BRWD3: variants seen among roughly 807,000 people sequenced by gnomAD.
BRWD3 encodes the protein bromodomain and WD repeat domain containing 3.
BRWD3 carries 10 observed loss-of-function variants against 149.7 expected under a neutral mutation model. That is an observed-to-expected ratio of 0.07 (90% CI 0.04 to 0.11). The LOEUF (loss-of-function observed/expected upper bound fraction) is 0.11, where lower values mean the gene tolerates loss of function less well. Ranked by LOEUF, BRWD3 falls within the 10% of genes least tolerant of loss-of-function variation. The probability of loss-of-function intolerance (pLI) is 1.00; values close to 1 mark genes in which losing one functional copy is unlikely to be tolerated. For missense variants in BRWD3, 940 were observed against 1,373.2 expected, an observed-to-expected ratio of 0.68 and a Z score of 4.99; for synonymous variants, 504 against 456.7, an observed-to-expected ratio of 1.10 and a Z score of -1.32.
chrX:80,740,824 C>G (rs1187522796), intron 8 of BRWD3, among the ~76,000 whole-genome samples: 1 of 112,037 alleles, frequency 8.9e-6, no homozygotes, highest in Non-Finnish European at 1.9e-5. Context: ...TAAACACAGA[C>G]ACACACATAC....
chrX:80,717,496 C>T (rs1047169083), intron 19 of BRWD3, 77 bp downstream of exon 19: 17 of 988,223 alleles, frequency 1.7e-5, no homozygotes, highest in Non-Finnish European at 2.3e-5. Context: ...ATTTACTAGG[C>T]TAACATAGTA....
intron 6 of BRWD3, among the ~76,000 whole-genome samples, chrX:80,748,617 T>G (rs1274691714): frequency 2.7e-5 from 3 of 111,723 alleles, no homozygotes; most frequent in African/African-American, 9.7e-5. Flanking sequence ...TCTGAGTCTT[T>G]TCTTTTGTTT....
chrX:80,712,604 C>A (rs1470344032), intron 20 of BRWD3, among the ~76,000 whole-genome samples: 10 of 110,149 alleles, frequency 9.1e-5, no homozygotes, highest in African/African-American at 3.4e-4. Context: ...CTCTGCCTGG[C>A]TGCCCATCGT....
intron 27 of BRWD3, among the ~76,000 whole-genome samples, chrX:80,694,902 G>A (rs763867350): frequency 5.4e-5 from 6 of 111,025 alleles, no homozygotes; most frequent in African/African-American, 2.0e-4. Flanking sequence ...GACTTTGGGG[G>A]ACTGTTGATT....
In BRWD3 at chrX:80,787,806, C is replaced by T. The variant is rs185401900; in HGVS notation, c.430+4048G>A. Among the ~76,000 whole-genome samples, 391 of 111,347 alleles carry T rather than the reference C, an allele frequency of 3.5e-3. 1 individual carries two copies. The highest frequency in any genetic ancestry group is 5.0e-3 in the Non-Finnish European group (264 of 53,088). On this transcript the variant is annotated intron_variant, in intron 6 of 40. Transcript: ENST00000373275. ...TGTTCTTTGAAAGACACTGGTAGGC[C>T]GGGCGTGGTGGCTCACGCCTGTAAT...
At chrX:80,718,126 C>A (rs2073098441) in intron 18 of BRWD3, among the ~76,000 whole-genome samples, 1 of 111,384 alleles carries the variant, frequency 9.0e-6, no homozygotes, top group South Asian at 3.7e-4. Flanking sequence ...TATCTTTGTT[C>A]TCTCCATTAC....
At chrX:80,784,029 G>A (rs1569286428) in intron 6 of BRWD3, among the ~76,000 whole-genome samples, 2 of 111,414 alleles carry the variant, frequency 1.8e-5, no homozygotes, top group African/African-American at 3.3e-5. Context: ...AGGGTGATTA[G>A]AGTCAAGAAT....
chrX:80,779,370 A>T (rs1266403066), intron 6 of BRWD3, among the ~76,000 whole-genome samples: 1 of 110,912 alleles, frequency 9.0e-6, no homozygotes, highest in Non-Finnish European at 1.9e-5. Flanking sequence ...GTTAAAGTGT[A>T]GTAAGCATAT....
chrX:80,802,921 C>T (rs1194066971), intron 4 of BRWD3, among the ~76,000 whole-genome samples: 8 of 110,096 alleles, frequency 7.3e-5, no homozygotes, highest in African/African-American at 1.3e-4. Context: ...CTGGCTAACA[C>T]GGAGAAACCC....
intron 24 of BRWD3, among the ~76,000 whole-genome samples, chrX:80,700,973 C>T (rs955383610): frequency 1.8e-5 from 2 of 110,024 alleles, no homozygotes; most frequent in Admixed American, 9.7e-5. Flanking sequence ...GTGTGGATAC[C>T]GAAGGACAAC....
At position 80,735,187 on chromosome X, in the gene BRWD3, C is replaced by T. The variant is rs776699937; in HGVS notation, c.925G>A (p.Val309Met). ...GGTCTGGATCTCTCAGTAAATTTCA[C>T]CGGGCGATCTCTAAAGATAAAAATA... ...VKTMKFRDRPVKFTERSRPGV... is the reference protein window; with the variant it reads ...VKTMKFRDRPMKFTERSRPGV... The change falls in exon 10 of 41, where the codon GTG (valine) becomes ATG (methionine). Residue 309 changes from valine (V) to methionine (M), a missense_variant. This residue lies in a region of BRWD3 where 209 missense variants were observed against 396.8 expected (regional missense o/e 0.53). Transcript: ENST00000373275. The T allele has an allele frequency of 8.3e-7, 1 of 1,205,895 alleles. No homozygotes were observed. Among genetic ancestry groups the T allele is most frequent in the Non-Finnish European group, 1.1e-6 (1 of 890,691 alleles).
chrX:80,802,596 C>T (rs1029638934), intron 4 of BRWD3, among the ~76,000 whole-genome samples: 4 of 109,903 alleles, frequency 3.6e-5, no homozygotes, highest in Non-Finnish European at 7.6e-5. Flanking sequence ...ATGTAGCGAA[C>T]AATTCATTTG....
chrX:80,715,174 T>A (rs1216430067), intron 20 of BRWD3, among the ~76,000 whole-genome samples: 1 of 107,112 alleles, frequency 9.3e-6, no homozygotes, highest in African/African-American at 3.4e-5. Context: ...GTAAGAAACA[T>A]GAATAAAAAT....
rs751313444 is a variant in BRWD3 at position 80,722,615 on chromosome X, C to T, written c.1823G>A (p.Arg608Gln). The T allele has an allele frequency of 2.5e-6, 3 of 1,209,681 alleles. No individual in the cohort carries two copies. The highest frequency in any genetic ancestry group is 2.2e-5 in the Admixed American group (1 of 45,696). The change falls in exon 17 of 41, where the codon CGG (arginine) becomes CAG (glutamine). Residue 608 changes from arginine (R) to glutamine (Q), a missense_variant. By Grantham distance (43) the Arg-to-Gln change is conservative. Coordinates refer to ENST00000373275, the MANE Select transcript of BRWD3 (RefSeq NM_153252.5). ...PTKFQRLVPGRENCKDEQLIP... is the reference protein window; with the variant it reads ...PTKFQRLVPGQENCKDEQLIP... ...AAGCTGTTCATCTTTACAATTTTCC[C>T]GTCCTGGTACCAACCGTTGGAATTT...
intron 30 of BRWD3, 139 bp from the exon 31 acceptor site, chrX:80,691,312 CAG>C: frequency 1.5e-6 from 1 of 651,999 alleles, no homozygotes; most frequent in Non-Finnish European, 2.3e-6. Flanking sequence ...ATTATACAAA[CAG>C]AACGTTATTC....
intron 6 of BRWD3, among the ~76,000 whole-genome samples, chrX:80,769,525 A>G (rs1453526098): frequency 1.8e-5 from 2 of 111,825 alleles, no homozygotes; most frequent in African/African-American, 3.3e-5. Flanking sequence ...GCAGAAAAAA[A>G]GATGATCTTT....
Position 80,675,713 on chromosome X carries a change from T to C in BRWD3, c.*896A>G, listed in dbSNP as rs2072358116. ...GTAGCTGAGCTACTGTTCAAAGAAGTTGTTCTTTGTGGATGAGGATTTTTC... is the reference window on the plus strand; with the variant it reads ...GTAGCTGAGCTACTGTTCAAAGAAGCTGTTCTTTGTGGATGAGGATTTTTC... On this transcript the variant is annotated 3_prime_UTR_variant, in exon 41 of 41. Coordinates refer to ENST00000373275, the MANE Select transcript of BRWD3 (RefSeq NM_153252.5). The C allele has an allele frequency of 8.9e-6, 1 of 111,804 alleles. No homozygotes were observed. The highest frequency in any genetic ancestry group is 1.9e-5 in the Non-Finnish European group (1 of 53,110). 9.2% of individuals were successfully genotyped at this position (111,804 alleles called of 1,213,427 possible).
chrX:80,781,826 G>A (rs995118578), intron 6 of BRWD3, among the ~76,000 whole-genome samples: 6 of 110,639 alleles, frequency 5.4e-5, no homozygotes, highest in African/African-American at 2.0e-4. Flanking sequence ...TCTCTACAAT[G>A]AAAACTATAA....
At chrX:80,689,676 T>C (rs909942897) in intron 33 of BRWD3, 92 bp downstream of exon 33, 21 of 804,222 alleles carry the variant, frequency 2.6e-5, no homozygotes, top group Non-Finnish European at 3.8e-5. Context: ...TCTGTTTTGC[T>C]GTTCATGGCC....
Sources: gnomAD v4.1 joint callset for allele counts (sites outside exome capture counted in the v4.1 genomes callset) on GRCh38, gnomAD v4.1.1 for gene constraint, gnomAD v4.1.1 regional missense constraint, MANE v1.5 for transcripts, NCBI Gene and HGNC (gene_info 2026-07-23, HGNC 2026-07-21) for gene names.